CADPS: variants seen among roughly 807,000 people sequenced by gnomAD.
CADPS encodes the protein calcium dependent secretion activator.
In CADPS, 57 loss-of-function variants were observed where a neutral mutation model predicts 167.3. The observed-to-expected ratio is 0.34, with a 90% CI of 0.28 to 0.42. CADPS has a LOEUF of 0.42. Among genes scored for constraint, CADPS ranks in the 20% least tolerant of loss-of-function variants. The probability of loss-of-function intolerance (pLI) is 1.00; values close to 1 mark genes in which losing one functional copy is unlikely to be tolerated. For missense variants in CADPS, 1,414 were observed against 1,738.1 expected, an observed-to-expected ratio of 0.81 and a Z score of 3.32; for synonymous variants, 676 against 635.3, an observed-to-expected ratio of 1.06 and a Z score of -0.96.
At chr3:62,502,041 C>T (rs1384906600) in intron 17 of CADPS, among the ~76,000 whole-genome samples, 13 of 152,222 alleles carry the variant, frequency 8.5e-5, no homozygotes, top group Non-Finnish European at 1.8e-4. Context: ...AACACTTGAT[C>T]TGCCAATTAA....
At chr3:62,549,873 C>T (rs767691335) in intron 11 of CADPS, 30 bp downstream of exon 11, 20 of 1,549,426 alleles carry the variant, frequency 1.3e-5, no homozygotes, top group Non-Finnish European at 1.8e-5. Flanking sequence ...CTCTACAGAG[C>T]TATTTTTGTA....
chr3:62,547,898 T>A (rs901547563), intron 11 of CADPS, among the ~76,000 whole-genome samples: 1 of 152,132 alleles, frequency 6.6e-6, no homozygotes, highest in African/African-American at 2.4e-5. Flanking sequence ...TCCTTCATCT[T>A]ATACTAGTGA....
chr3:62,680,171 A>C (rs1408360894), intron 3 of CADPS, among the ~76,000 whole-genome samples: 2 of 152,018 alleles, frequency 1.3e-5, no homozygotes, highest in Non-Finnish European at 2.9e-5. Flanking sequence ...GAAATTGTCC[A>C]GGTGAGACAT....
chr3:62,875,125 G>C lies in CADPS; in HGVS notation c.-96C>G, dbSNP rs527683820. ...AGCCGGGGATCAGCTCTCCCGGGTGGGCGCTTCTCCCCAGGTCAGGGAGCG... is the reference window on the plus strand; with the variant it reads ...AGCCGGGGATCAGCTCTCCCGGGTGCGCGCTTCTCCCCAGGTCAGGGAGCG... On this transcript the variant is annotated 5_prime_UTR_variant, in exon 1 of 30. Transcript: ENST00000383710. 98 of 1,341,578 alleles carry C rather than the reference G, an allele frequency of 7.3e-5. No homozygotes were observed. In the African/African-American group the frequency reaches 1.3e-3, roughly 18 times the overall value. The allele number at this position is 1,341,578 out of a possible 1,614,324, so 83.1% of individuals were successfully genotyped here.
At chr3:62,407,820 G>A (rs753605277) in intron 28 of CADPS, among the ~76,000 whole-genome samples, 2 of 152,100 alleles carry the variant, frequency 1.3e-5, no homozygotes, top group African/African-American at 2.4e-5. Context: ...TGCAACCTCT[G>A]TCTCCCAGGT....
intron 1 of CADPS, among the ~76,000 whole-genome samples, chr3:62,798,232 G>C (rs1433781929): frequency 2.0e-5 from 3 of 152,180 alleles, no homozygotes; most frequent in Non-Finnish European, 4.4e-5. Context: ...TCGACTGGGA[G>C]AGACAGACCC....
chr3:62,835,739 T>C (rs1450370211), intron 1 of CADPS, among the ~76,000 whole-genome samples: 3 of 152,196 alleles, frequency 2.0e-5, no homozygotes, highest in African/African-American at 7.2e-5. Context: ...ACTGTGATGT[T>C]TCTTAAGATA....
intron 1 of CADPS, among the ~76,000 whole-genome samples, chr3:62,865,951 T>C (rs952693419): frequency 1.3e-5 from 2 of 152,112 alleles, no homozygotes; most frequent in Non-Finnish European, 1.5e-5. Flanking sequence ...TTTGGCAACA[T>C]TGTGGCTGAT....
chr3:62,438,063 T>A lies in CADPS; in HGVS notation c.3777+41A>T, dbSNP rs947166647. The stretch of plus-strand genomic sequence containing the variant: ...TCTTATTTTGTCACATTTTGGAGGG[T>A]CTCCTCCTTGGTTTTCAAGGAGGAG... On this transcript the variant is annotated intron_variant, in intron 28 of 29. Transcript: ENST00000383710. The surrounding 1 kb of genome is among the most constrained non-coding windows in gnomAD (Gnocchi z 4.7). The A allele has an allele frequency of 2.3e-6, 3 of 1,326,378 alleles. No individual in the cohort carries two copies. Among genetic ancestry groups the A allele is most frequent in the Non-Finnish European group, 3.2e-6 (3 of 923,200 alleles). 82.2% of individuals were successfully genotyped at this position (1,326,378 alleles called of 1,614,324 possible).
chr3:62,413,677 C>T (rs192439273), intron 28 of CADPS, among the ~76,000 whole-genome samples: 54 of 152,132 alleles, frequency 3.5e-4, no homozygotes, highest in Admixed American at 7.9e-4. Context: ...GTCTACAGAT[C>T]GGTTGCATAA....
intron 1 of CADPS, among the ~76,000 whole-genome samples, chr3:62,841,020 A>G (rs1261095709): frequency 6.6e-6 from 1 of 152,204 alleles, no homozygotes; most frequent in East Asian, 1.9e-4. Context: ...TTCATCTAAA[A>G]GTCCATTTTT....
chr3:62,578,941 C>T (rs1578151860), intron 8 of CADPS, among the ~76,000 whole-genome samples: 2 of 152,066 alleles, frequency 1.3e-5, no homozygotes, highest in East Asian at 1.9e-4. Flanking sequence ...TCTTGGAGAC[C>T]TATGAGGAGG....
chr3:62,859,350 G>T (rs145128216), intron 1 of CADPS, among the ~76,000 whole-genome samples: 26 of 152,072 alleles, frequency 1.7e-4, no homozygotes, highest in African/African-American at 5.6e-4. Flanking sequence ...AAATGGAGGC[G>T]GGAACAAGTG....
intron 2 of CADPS, among the ~76,000 whole-genome samples, chr3:62,757,372 C>T (rs1462616216): frequency 6.6e-6 from 1 of 152,098 alleles, no homozygotes; most frequent in Non-Finnish European, 1.5e-5. Context: ...CTATAAGTTC[C>T]AGGGAGGCAG....
At chr3:62,582,531 G>A in intron 8 of CADPS, among the ~76,000 whole-genome samples, 1 of 152,162 alleles carries the variant, frequency 6.6e-6, no homozygotes, top group South Asian at 2.1e-4. Flanking sequence ...ACACAACTGG[G>A]CTCAGTAAAA....
intron 2 of CADPS, among the ~76,000 whole-genome samples, chr3:62,764,506 G>T (rs1398220276): frequency 6.6e-6 from 1 of 152,204 alleles, no homozygotes; most frequent in Admixed American, 6.5e-5. Context: ...GGAGTCTGTG[G>T]TTGGTCCCAG....
chr3:62,667,322 C>G (rs1484381687), intron 3 of CADPS, among the ~76,000 whole-genome samples: 2 of 151,950 alleles, frequency 1.3e-5, no homozygotes, highest in Non-Finnish European at 2.9e-5. Context: ...TGAAAGAAAT[C>G]AGACCAGGGT....
intron 4 of CADPS, among the ~76,000 whole-genome samples, chr3:62,658,350 G>T (rs1442027182): frequency 6.6e-6 from 1 of 152,168 alleles, no homozygotes; most frequent in Non-Finnish European, 1.5e-5. Flanking sequence ...AGTTCAGGAT[G>T]AGGCAAGGTA....
intron 1 of CADPS, among the ~76,000 whole-genome samples, chr3:62,791,475 G>C (rs916799617): frequency 6.6e-6 from 1 of 152,190 alleles, no homozygotes; most frequent in African/African-American, 2.4e-5. Flanking sequence ...TAGAAATGCA[G>C]AATCTCATTC....
Sources: gnomAD v4.1 joint callset for allele counts (sites outside exome capture counted in the v4.1 genomes callset) on GRCh38, gnomAD v4.1.1 for gene constraint, Gnocchi (gnomAD v3.1) non-coding constraint, MANE v1.5 for transcripts, NCBI Gene and HGNC (gene_info 2026-07-23, HGNC 2026-07-21) for gene names.